Variants in ZNF469 observed in about 807,000 individuals in gnomAD.
ZNF469 encodes the protein zinc finger protein 469.
A neutral mutation model predicts 1.0 loss-of-function variants in ZNF469; 1 was observed. That is an observed-to-expected ratio of 1.00 (90% CI 0.35 to 4.73). The LOEUF (loss-of-function observed/expected upper bound fraction) is 4.73. ZNF469 is among the 30% of genes most tolerant of loss of function. The pLI, the probability that ZNF469 is intolerant of heterozygous loss-of-function variation, is 0.16. For synonymous variants in ZNF469, 2,703 were observed against 2,363.4 expected (o/e 1.14, Z -4.17); for missense variants, 6,100 against 5,356.3 (o/e 1.14, Z -4.33).
chr16:88,369,078 CAAA>C, the ZNF469 span, among the ~76,000 whole-genome samples: 2 of 135,612 alleles, frequency 1.5e-5, no homozygotes, highest in Admixed American at 7.4e-5. Context: ...GATTCTGTCT[CAAA>C]AAAAAAAAAA....
chr16:88,118,944 C>T, the ZNF469 span, among the ~76,000 whole-genome samples: 1 of 152,160 alleles, frequency 6.6e-6, no homozygotes, highest in Admixed American at 6.5e-5. Context: ...ACTTGTGTTT[C>T]CACTGCTCTC....
At chr16:88,304,087 T>G in the ZNF469 span, among the ~76,000 whole-genome samples, 1 of 152,184 alleles carries the variant, frequency 6.6e-6, no homozygotes, top group South Asian at 2.1e-4. Context: ...AGAGGAGGCT[T>G]GTTCTGGGAG....
At chr16:88,126,071 C>T in the ZNF469 span, among the ~76,000 whole-genome samples, 1 of 151,568 alleles carries the variant, frequency 6.6e-6, no homozygotes, top group African/African-American at 2.4e-5. Flanking sequence ...TGCCTGTAAT[C>T]CCAGCTACTG....
chr16:88,221,090 T>C, the ZNF469 span, among the ~76,000 whole-genome samples: 1 of 152,126 alleles, frequency 6.6e-6, no homozygotes, highest in Non-Finnish European at 1.5e-5. Context: ...CTGCTGCTCC[T>C]ACTCGGTGTC....
At chr16:88,218,799 AT>A in the ZNF469 span, among the ~76,000 whole-genome samples, 4 of 151,366 alleles carry the variant, frequency 2.6e-5, no homozygotes, top group East Asian at 7.7e-4. Context: ...AATAAAAGGT[AT>A]TCAATTAGGA....
At chr16:88,161,774 C>T in the ZNF469 span, among the ~76,000 whole-genome samples, 2 of 152,110 alleles carry the variant, frequency 1.3e-5, no homozygotes, top group African/African-American at 2.4e-5. Context: ...CCTGCAAAAC[C>T]GAGGGACAGC....
chr16:88,103,949 G>T, the ZNF469 span, among the ~76,000 whole-genome samples: 1 of 152,096 alleles, frequency 6.6e-6, no homozygotes, highest in East Asian at 1.9e-4. Context: ...CACGAGGACG[G>T]TCACTGCATT....
At chr16:88,170,115 C>T in the ZNF469 span, among the ~76,000 whole-genome samples, 1 of 152,346 alleles carries the variant, frequency 6.6e-6, no homozygotes, top group East Asian at 1.9e-4. This position sits in a 1 kb window ranked among gnomAD's most constrained non-coding sequence, Gnocchi z 4.2. Flanking sequence ...CTCTCAGCCT[C>T]GCTTCCTATC....
chr16:88,261,104 G>C, the ZNF469 span, among the ~76,000 whole-genome samples: 2 of 152,178 alleles, frequency 1.3e-5, no homozygotes, highest in South Asian at 4.2e-4. This position sits in a 1 kb window ranked among gnomAD's most constrained non-coding sequence, Gnocchi z 6.0. Context: ...AGAGGCTCGA[G>C]CACGCTGCCA....
the ZNF469 span, among the ~76,000 whole-genome samples, chr16:88,152,419 G>A: frequency 6.6e-6 from 1 of 152,122 alleles, no homozygotes; most frequent in African/African-American, 2.4e-5. This position sits in a 1 kb window ranked among gnomAD's most constrained non-coding sequence, Gnocchi z 4.2. Context: ...CTATGGTGCT[G>A]GCCGAGGCTG....
At position 88,430,690 on chromosome 16, in the gene ZNF469, T is replaced by G. The variant is rs1458634118; in HGVS notation, c.3220T>G (p.Ser1074Ala). The change falls in exon 3 of 3, where the codon TCC becomes GCC. Residue 1074 changes from serine (S) to alanine (A), a missense_variant. Physicochemically the swap from Ser to Ala is moderately conservative, Grantham distance 99. Transcript: ENST00000565624. ...RLGRRAGRCG[S>A]LAAGRPRPGA... ...GGGGCGGCGGGCGGGCAGGTGCGGC[T>G]CCCTGGCGGCGGGGAGGCCCCGGCC... 6.7e-7 allele frequency: 1 copy of G among 1,485,728 alleles called. No individual in the cohort carries two copies. The highest frequency in any genetic ancestry group is 8.9e-7 in the Non-Finnish European group (1 of 1,126,892). 92.0% of individuals were successfully genotyped at this position (1,485,728 alleles called of 1,614,324 possible).
At chr16:88,221,534 A>G in the ZNF469 span, among the ~76,000 whole-genome samples, 1 of 152,176 alleles carries the variant, frequency 6.6e-6, no homozygotes, top group Non-Finnish European at 1.5e-5. Context: ...CTTCCTCCAG[A>G]CTGTGCCGGA....
chr16:88,435,277 C>T lies in ZNF469; in HGVS notation c.7807C>T (p.His2603Tyr). Residue 2603 changes from histidine (H) to tyrosine (Y), a missense_variant, in exon 3 of 3, where the codon CAT becomes TAT. Transcript: ENST00000565624. ...AGACCAGGCCAGGGAAGATGAGCTG[C>T]ATCCCAAACAGGCAGAAAAAAGAGA... is the stretch of plus-strand genomic sequence containing the variant. The part of the protein sequence containing the change: ...RPDQAREDEL[H>Y]PKQAEKREGR... 2 of 1,550,382 alleles carry T rather than the reference C, an allele frequency of 1.3e-6. No homozygotes were observed. Among genetic ancestry groups the T allele is most frequent in the East Asian group, 2.4e-5 (1 of 40,928 alleles).
chr16:88,278,614 G>C, the ZNF469 span, among the ~76,000 whole-genome samples: 14 of 135,178 alleles, frequency 1.0e-4, no homozygotes, highest in African/African-American at 2.8e-4. Context: ...CACTCGGTCA[G>C]TACCGTGTAG....
At chr16:88,320,465 C>T in the ZNF469 span, among the ~76,000 whole-genome samples, 1 of 152,208 alleles carries the variant, frequency 6.6e-6, no homozygotes, top group Non-Finnish European at 1.5e-5. Context: ...CTCACTGCAA[C>T]CTCTGCCTCA....
chr16:88,356,526 C>CCGTGTGCCTGTGTGTGTTGA, the ZNF469 span, among the ~76,000 whole-genome samples: 1 of 151,152 alleles, frequency 6.6e-6, no homozygotes, highest in South Asian at 2.1e-4. Flanking sequence ...GTGTGTATTG[C>CCGTGTGCCTGTGTGTGTTGA]CGTGTGCCTG....
the ZNF469 span, among the ~76,000 whole-genome samples, chr16:88,337,211 G>A: frequency 5.9e-5 from 9 of 152,256 alleles, no homozygotes; most frequent in South Asian, 2.1e-4. Context: ...CACCATTCCC[G>A]CATGTGGCAG....
chr16:88,122,990 C>T, the ZNF469 span, among the ~76,000 whole-genome samples: 318 of 152,198 alleles, frequency 2.1e-3, no homozygotes, highest in Non-Finnish European at 3.6e-3. Flanking sequence ...CCATTGGGTC[C>T]AGCTGCAATT....
At chr16:88,110,296 G>C in the ZNF469 span, among the ~76,000 whole-genome samples, 2 of 152,212 alleles carry the variant, frequency 1.3e-5, no homozygotes, top group Non-Finnish European at 2.9e-5. Context: ...GGGCCCTGAG[G>C]CTCCACATTG....
Sources: gnomAD v4.1 joint callset for allele counts (sites outside exome capture counted in the v4.1 genomes callset) on GRCh38, gnomAD v4.1.1 for gene constraint, Gnocchi (gnomAD v3.1) non-coding constraint, MANE v1.5 for transcripts, NCBI Gene and HGNC (gene_info 2026-07-23, HGNC 2026-07-21) for gene names.